The following LRMDA variants were observed in gnomAD, a reference collection of about 807,000 sequenced individuals.
LRMDA encodes leucine-rich melanocyte differentiation-associated protein.
Under a neutral mutation model 29.8 loss-of-function variants are expected in LRMDA, and 18 were observed. The observed-to-expected ratio is 0.60, with a 90% CI of 0.42 to 0.90. LRMDA has a LOEUF of 0.90. Ranked by LOEUF, LRMDA falls within the 40% of genes least tolerant of loss-of-function variation. The pLI, the probability that LRMDA is intolerant of heterozygous loss-of-function variation, is 0.00. For synonymous variants in LRMDA, 125 were observed against 109.4 expected (o/e 1.14, Z -0.89); for missense variants, 273 against 273.9 (o/e 1.00, Z 0.02).
intron 2 of LRMDA, among the ~76,000 whole-genome samples, chr10:75,442,197 A>G (rs1333598082): frequency 1.3e-5 from 2 of 152,252 alleles, no homozygotes; most frequent in East Asian, 1.9e-4. Context: ...TGATACATGC[A>G]TACATTGTGA....
chr10:76,088,195 G>C (rs899650005), intron 5 of LRMDA, among the ~76,000 whole-genome samples: 1 of 152,248 alleles, frequency 6.6e-6, no homozygotes, highest in South Asian at 2.1e-4. Context: ...AGCGGAAAGT[G>C]ATCCATCACT....
rs1444128983 is a variant in LRMDA at position 75,452,718 on chromosome 10, T to C, written c.131+14224T>C. Among the ~76,000 whole-genome samples the C allele has an allele frequency of 2.0e-5, 3 of 152,130 alleles. No homozygotes were observed. In the East Asian group the frequency reaches 5.8e-4, roughly 29 times the overall value. ...CTGGAGATTTCACTGGATAGGTTTC[T>C]AGCCTGACTTGAAGGGAGTTTGAGG... On this transcript the variant is annotated intron_variant, in intron 2 of 6. Coordinates refer to ENST00000611255, the MANE Select transcript of LRMDA (RefSeq NM_001305581.2).
At chr10:76,047,775 G>A (rs1469158342) in intron 4 of LRMDA, among the ~76,000 whole-genome samples, 3 of 152,180 alleles carry the variant, frequency 2.0e-5, no homozygotes, top group African/African-American at 4.8e-5. Context: ...TCATCTTGAA[G>A]AGAGAGATGA....
In LRMDA at chr10:75,918,167, G is replaced by A. The variant is rs143570965; in HGVS notation, c.132-117841G>A. ...AGCAGTGTCACGGCTCACTGGGGTC[G>A]AGCAAGTAGAAAATCTGGGATTCAA... On this transcript the variant is annotated intron_variant, in intron 2 of 6. Transcript: ENST00000611255. Among the ~76,000 whole-genome samples, 235 of 152,294 alleles carry A rather than the reference G, an allele frequency of 1.5e-3. 1 individual carries two copies. Among genetic ancestry groups the A allele is most frequent in the Non-Finnish European group, 2.2e-3 (152 of 68,034 alleles).
At chr10:75,611,517 T>C (rs541709736) in intron 2 of LRMDA, among the ~76,000 whole-genome samples, 27 of 152,268 alleles carry the variant, frequency 1.8e-4, no homozygotes, top group African/African-American at 6.3e-4. Flanking sequence ...CCACTTGCTA[T>C]TTCCCCACTC....
chr10:75,589,765 A>AT lies in LRMDA; in HGVS notation c.131+151271_131+151272insT, dbSNP rs1554814520. 1.8e-3 allele frequency among the ~76,000 whole-genome samples: 256 copies of AT among 144,880 alleles called. 1 individual carries two copies. Among genetic ancestry groups the AT allele is most frequent in the African/African-American group, 5.5e-3 (210 of 38,392 alleles). Reference sequence around the variant, plus strand: ...GGAGATAGAGACCCTGTCTAAAAAAAATATATATATATAGAGAGAGAGAGA... The same window carrying AT: ...GGAGATAGAGACCCTGTCTAAAAAAATATATATATATATAGAGAGAGAGAGA... On this transcript the variant is annotated intron_variant, in intron 2 of 6. Coordinates refer to ENST00000611255, the MANE Select transcript of LRMDA (RefSeq NM_001305581.2).
At chr10:75,807,144 C>G (rs1381276802) in intron 2 of LRMDA, among the ~76,000 whole-genome samples, 1 of 152,082 alleles carries the variant, frequency 6.6e-6, no homozygotes, top group Admixed American at 6.5e-5. Context: ...GGAGGTCGGT[C>G]CTGTTGCTGT....
intron 6 of LRMDA, among the ~76,000 whole-genome samples, chr10:76,364,511 T>TA (rs35384541): frequency 0.89 from 135,485 of 151,782 alleles, 61,156 homozygotes; most frequent in Non-Finnish European, 0.96. Flanking sequence ...AAAGTTTATG[T>TA]AAAATTTCCA....
intron 5 of LRMDA, among the ~76,000 whole-genome samples, chr10:76,218,266 C>T (rs11001695): frequency 1.5e-4 from 23 of 152,156 alleles, no homozygotes; most frequent in African/African-American, 4.8e-4. Flanking sequence ...CCCTCTTGCC[C>T]GAACAGTGCC....
At chr10:75,727,371 G>C (rs542159393) in intron 2 of LRMDA, among the ~76,000 whole-genome samples, 3 of 152,270 alleles carry the variant, frequency 2.0e-5, no homozygotes, top group African/African-American at 7.2e-5. Context: ...GAAGAGGGCT[G>C]CCTCAACAGC....
intron 2 of LRMDA, among the ~76,000 whole-genome samples, chr10:75,598,103 A>G (rs932859432): frequency 1.3e-5 from 2 of 152,176 alleles, no homozygotes; most frequent in South Asian, 4.1e-4. Context: ...GTTGTTAGCA[A>G]TCTAAAGTTG....
At chr10:76,044,363 T>C (rs1848392411) in intron 3 of LRMDA, among the ~76,000 whole-genome samples, 1 of 151,734 alleles carries the variant, frequency 6.6e-6, no homozygotes, top group Non-Finnish European at 1.5e-5. Context: ...CTGAGGAAGG[T>C]ACTTGAAAGC....
intron 2 of LRMDA, among the ~76,000 whole-genome samples, chr10:75,889,277 A>G (rs1403141344): frequency 6.6e-6 from 1 of 152,252 alleles, no homozygotes; most frequent in Non-Finnish European, 1.5e-5. Flanking sequence ...CCAGATTTTC[A>G]GGTTCAAACC....
intron 3 of LRMDA, among the ~76,000 whole-genome samples, chr10:76,045,837 ATTTTAGGGACCCAAT>A (rs1848429991): frequency 6.6e-6 from 1 of 152,106 alleles, no homozygotes; most frequent in Non-Finnish European, 1.5e-5. Context: ...CTTGGCAAAT[ATTTTAGGGACCCAAT>A]TCCGACATTG....
At chr10:75,659,813 G>A (rs1315730390) in intron 2 of LRMDA, among the ~76,000 whole-genome samples, 2 of 152,028 alleles carry the variant, frequency 1.3e-5, no homozygotes, top group African/African-American at 2.4e-5. Context: ...TCTTTAATCT[G>A]TCACTTCCTT....
At chr10:76,526,513 A>G (rs1406539440) in intron 6 of LRMDA, among the ~76,000 whole-genome samples, 10 of 152,114 alleles carry the variant, frequency 6.6e-5, no homozygotes, top group Admixed American at 5.9e-4. Flanking sequence ...CTCATTACCC[A>G]GATCATGTCA....
At chr10:76,146,281 G>C (rs1334066658) in intron 5 of LRMDA, among the ~76,000 whole-genome samples, 1 of 151,902 alleles carries the variant, frequency 6.6e-6, no homozygotes, top group Non-Finnish European at 1.5e-5. Context: ...GTCTAATGTT[G>C]ACAGTGGGGT....
At chr10:75,543,249 C>G (rs1400531160) in intron 2 of LRMDA, among the ~76,000 whole-genome samples, 1 of 152,218 alleles carries the variant, frequency 6.6e-6, no homozygotes, top group Non-Finnish European at 1.5e-5. Context: ...GTCCCTCCCA[C>G]TGGAGAAAAT....
chr10:76,308,035 C>A (rs1345140981), intron 5 of LRMDA, among the ~76,000 whole-genome samples: 2 of 152,128 alleles, frequency 1.3e-5, no homozygotes, highest in African/African-American at 2.4e-5. Context: ...TCATTTTGGT[C>A]AAGAATTCTT....
Sources: gnomAD v4.1 joint callset for allele counts (sites outside exome capture counted in the v4.1 genomes callset) on GRCh38, gnomAD v4.1.1 for gene constraint, MANE v1.5 for transcripts, NCBI Gene and HGNC (gene_info 2026-07-23, HGNC 2026-07-21) for gene names.